The following DAPK1 variants were observed in gnomAD, a reference collection of about 807,000 sequenced individuals.
The protein encoded by DAPK1 is death-associated protein kinase 1.
Under a neutral mutation model 144.9 loss-of-function variants are expected in DAPK1, and 56 were observed. That is an observed-to-expected ratio of 0.39 (90% CI 0.31 to 0.48). DAPK1 has a LOEUF of 0.48. Ranked by LOEUF, DAPK1 falls within the 20% of genes least tolerant of loss-of-function variation. DAPK1 has a pLI of 0.95. For synonymous variants in DAPK1, 690 were observed against 749.0 expected (o/e 0.92, Z 1.29); for missense variants, 1,454 against 1,875.4 (o/e 0.78, Z 4.15).
intron 2 of DAPK1, among the ~76,000 whole-genome samples, chr9:87,579,737 G>A (rs759089163): frequency 7.9e-5 from 12 of 152,030 alleles, no homozygotes; most frequent in Non-Finnish European, 1.6e-4. Flanking sequence ...AGGGAAATCA[G>A]CTGCAGGAAT....
chr9:87,534,922 G>T (rs1033550970), intron 2 of DAPK1, among the ~76,000 whole-genome samples: 14 of 152,212 alleles, frequency 9.2e-5, no homozygotes, highest in South Asian at 8.3e-4. Flanking sequence ...TGGGATTACA[G>T]GGATGAGCCA....
chr9:87,542,782 C>G (rs1354563343), intron 2 of DAPK1, among the ~76,000 whole-genome samples: 2 of 152,126 alleles, frequency 1.3e-5, no homozygotes, highest in Non-Finnish European at 2.9e-5. Flanking sequence ...TTGCCATTGC[C>G]CAGAGATCTG....
chr9:87,677,299 C>G (rs1344205183), intron 19 of DAPK1, among the ~76,000 whole-genome samples: 1 of 152,214 alleles, frequency 6.6e-6, no homozygotes. Flanking sequence ...AGCTTGCCCT[C>G]ATACACAGGA....
At chr9:87,675,255 A>C (rs1218224750) in intron 19 of DAPK1, among the ~76,000 whole-genome samples, 1 of 151,910 alleles carries the variant, frequency 6.6e-6, no homozygotes, top group Non-Finnish European at 1.5e-5. Context: ...TTGAAACAGG[A>C]TGAAGTGAGA....
chr9:87,562,143 T>C (rs1388775215), intron 2 of DAPK1, among the ~76,000 whole-genome samples: 2 of 152,202 alleles, frequency 1.3e-5, no homozygotes, highest in African/African-American at 2.4e-5. Flanking sequence ...CAGTTCTGTA[T>C]CTACCTGGTG....
intron 2 of DAPK1, among the ~76,000 whole-genome samples, chr9:87,571,498 A>ACACACACACACAC (rs1554684284): frequency 1.1e-3 from 50 of 46,502 alleles, no homozygotes; most frequent in Middle Eastern, 0.012. Flanking sequence ...CACACACCCC[A>ACACACACACACAC]ACACACACAC....
intron 3 of DAPK1, among the ~76,000 whole-genome samples, chr9:87,622,213 C>T (rs1202456860): frequency 6.6e-6 from 1 of 152,076 alleles, no homozygotes; most frequent in East Asian, 1.9e-4. Context: ...GCTCCCTATC[C>T]CCTGTGGAAA....
At chr9:87,640,229 TTA>T in intron 7 of DAPK1, 67 bp from the exon 8 acceptor site, 1 of 1,446,238 alleles carries the variant, frequency 6.9e-7, no homozygotes, top group South Asian at 1.3e-5. Flanking sequence ...ACTCCAGATG[TTA>T]TAGGAGCAAA....
At chr9:87,568,141 A>C (rs753386023) in intron 2 of DAPK1, among the ~76,000 whole-genome samples, 2 of 152,220 alleles carry the variant, frequency 1.3e-5, no homozygotes, top group Admixed American at 6.5e-5. Context: ...CCACCCAGGC[A>C]TAAGGCACCG....
chr9:87,651,712 C>T lies in DAPK1; in HGVS notation c.1812C>T (p.Asp604=), dbSNP rs36214023. The change falls in exon 17 of 26, where the codon GAC becomes GAT. Residue 604 remains aspartate, a synonymous_variant. Coordinates refer to ENST00000408954, the MANE Select transcript of DAPK1 (RefSeq NM_004938.4). ...VALCEANCNL[D]ISNKYGRTPL... is the part of the protein sequence containing the mutation. ...TCTGTGAAGCAAACTGCAATTTGGA[C>T]ATCTCCAACAAGGTATGCACAGAGA... 26,881 of 1,613,870 alleles carry T rather than the reference C, an allele frequency of 0.017. 3,638 individuals carry two copies. In the African/African-American group the frequency reaches 0.3, roughly 18 times the overall value.
intron 3 of DAPK1, among the ~76,000 whole-genome samples, chr9:87,608,682 A>G (rs1828818986): frequency 1.3e-5 from 2 of 152,328 alleles, no homozygotes; most frequent in South Asian, 4.1e-4. Flanking sequence ...ATCTTGGCAT[A>G]CAGCTTTACA....
chr9:87,658,232 G>A (rs1830701404), intron 18 of DAPK1, 105 bp downstream of exon 18: 2 of 614,464 alleles, frequency 3.3e-6, no homozygotes, highest in Non-Finnish European at 2.9e-6. Flanking sequence ...TTCTGAAGCA[G>A]CCAGGCTGCT....
Position 87,640,228 on chromosome 9 carries a change from G to A in DAPK1, c.630-70G>A. The A allele has an allele frequency of 1.2e-5, 18 of 1,441,166 alleles. No individual in the cohort carries two copies. In the South Asian group the frequency reaches 2.2e-4, roughly 18 times the overall value. The allele number at this position is 1,441,166 out of a possible 1,614,324, so 89.3% of individuals were successfully genotyped here. A position where few individuals can be genotyped will look rare whatever the true frequency, so the allele number is the denominator to read the frequency against. Reference sequence around the variant, plus strand: ...TATAATCTTATTCCACACTCCAGATGTTATAGGAGCAAAATGACAACACCA... The same window carrying A: ...TATAATCTTATTCCACACTCCAGATATTATAGGAGCAAAATGACAACACCA... On this transcript the variant is annotated intron_variant, in intron 7 of 25. Transcript: ENST00000408954.
chr9:87,673,249 C>G (rs73483580), intron 19 of DAPK1, among the ~76,000 whole-genome samples: 3 of 152,132 alleles, frequency 2.0e-5, no homozygotes, highest in East Asian at 1.9e-4. Context: ...CAGGTTGATC[C>G]AAAGCGCTGT....
At chr9:87,578,820 C>G (rs1411492958) in intron 2 of DAPK1, among the ~76,000 whole-genome samples, 1 of 152,192 alleles carries the variant, frequency 6.6e-6, no homozygotes, top group Non-Finnish European at 1.5e-5. Flanking sequence ...TCATGTTTAT[C>G]TTTCAATGTC....
chr9:87,579,320 T>C (rs1827669788), intron 2 of DAPK1, among the ~76,000 whole-genome samples: 1 of 152,202 alleles, frequency 6.6e-6, no homozygotes, highest in Non-Finnish European at 1.5e-5. Flanking sequence ...TTGCATACTT[T>C]CCTTTCAAAC....
At chr9:87,499,312 G>A (rs1212995376) in intron 2 of DAPK1, 173 bp downstream of exon 2, 2 of 624,102 alleles carry the variant, frequency 3.2e-6, no homozygotes, top group Non-Finnish European at 5.7e-6. Context: ...CTGATCCAAG[G>A]GCCTGGGGGT....
At chr9:87,518,900 C>T (rs1825186025) in intron 2 of DAPK1, among the ~76,000 whole-genome samples, 1 of 146,446 alleles carries the variant, frequency 6.8e-6, no homozygotes, top group African/African-American at 2.5e-5. Context: ...AGGCATCCAT[C>T]CAGTAATATC....
At chr9:87,573,486 G>A (rs1456903815) in intron 2 of DAPK1, among the ~76,000 whole-genome samples, 1 of 152,208 alleles carries the variant, frequency 6.6e-6, no homozygotes, top group African/African-American at 2.4e-5. Flanking sequence ...AGGGAGGGAG[G>A]GGTGAGTTTG....
Sources: allele counts gnomAD v4.1 joint callset (sites outside exome capture counted in the v4.1 genomes callset), GRCh38; gene constraint gnomAD v4.1.1; transcripts MANE v1.5; gene names NCBI Gene and HGNC (gene_info 2026-07-23, HGNC 2026-07-21).